NRXN3: variants seen among roughly 807,000 people sequenced by gnomAD.
The protein encoded by NRXN3 is neurexin III.
A neutral mutation model predicts 137.6 loss-of-function variants in NRXN3; 32 were observed. That is an observed-to-expected ratio of 0.23 (90% CI 0.18 to 0.31). NRXN3 has a LOEUF of 0.31. Ranked by LOEUF, NRXN3 falls within the 10% of genes least tolerant of loss-of-function variation. NRXN3 has a pLI of 1.00. For synonymous variants in NRXN3, 798 were observed against 784.5 expected (o/e 1.02, Z -0.29); for missense variants, 1,574 against 2,062.5 (o/e 0.76, Z 4.59).
rs75251740 is a variant in NRXN3 at position 78,727,164 on chromosome 14, T to G, written c.2044+12025T>G. On this transcript the variant is annotated intron_variant, in intron 8 of 20. Transcript: ENST00000335750. ...TTAACCAGTTCTCACCTATTGTGGT[T>G]TTAAGTTCCTTGCTGAGTTAATCCA... 1.0e-2 allele frequency among the ~76,000 whole-genome samples: 1,521 copies of G among 152,240 alleles called. 74 individuals are homozygous for G. In the East Asian group the frequency reaches 0.16, roughly 16 times the overall value.
intron 3 of NRXN3, among the ~76,000 whole-genome samples, chr14:78,295,850 C>G (rs951741062): frequency 6.6e-6 from 1 of 152,124 alleles, no homozygotes; most frequent in Non-Finnish European, 1.5e-5. Context: ...ACCAAATGTC[C>G]TGTTCACTAT....
At chr14:78,554,660 A>C (rs1427266494) in intron 4 of NRXN3, among the ~76,000 whole-genome samples, 1 of 152,190 alleles carries the variant, frequency 6.6e-6, no homozygotes, top group Non-Finnish European at 1.5e-5. Flanking sequence ...CTGTGATTCC[A>C]AATCTCAAGC....
intron 4 of NRXN3, among the ~76,000 whole-genome samples, chr14:78,515,950 G>T (rs2096199639): frequency 1.3e-5 from 2 of 152,082 alleles, no homozygotes; most frequent in Non-Finnish European, 2.9e-5. Flanking sequence ...TTAATCCACA[G>T]TTTCCTCATC....
intron 1 of NRXN3, among the ~76,000 whole-genome samples, chr14:78,194,766 G>C (rs1418574890): frequency 1.3e-5 from 2 of 152,230 alleles, no homozygotes; most frequent in Non-Finnish European, 2.9e-5. Flanking sequence ...CAGCATGCTA[G>C]AGTAGATATC....
At chr14:78,481,337 G>T (rs1180664432) in intron 4 of NRXN3, among the ~76,000 whole-genome samples, 1 of 152,114 alleles carries the variant, frequency 6.6e-6, no homozygotes, top group African/African-American at 2.4e-5. Context: ...TGAATCACAG[G>T]GGCTAGGATA....
intron 4 of NRXN3, among the ~76,000 whole-genome samples, chr14:78,643,019 TG>T (rs2097650703): frequency 6.6e-6 from 1 of 152,238 alleles, no homozygotes; most frequent in Non-Finnish European, 1.5e-5. Flanking sequence ...TGGGCTGCTC[TG>T]GAACACACAA....
rs34660488 is a variant in NRXN3, at chr14:79,217,141, AAAAGAAAG to A, written c.3262+229020_3262+229027del. Among the ~76,000 whole-genome samples, 140 of 149,706 alleles carry A rather than the reference AAAAGAAAG, an allele frequency of 9.4e-4. 3 individuals are homozygous for A. In the South Asian group the frequency reaches 0.016, roughly 17 times the overall value. On this transcript the variant is annotated intron_variant, in intron 15 of 20. Transcript: ENST00000335750. Reference sequence around the variant, plus strand: ...GACAGAGCAAGACTCTGTCTCAAAAAAAAGAAAGAAAGAAAGAAAGAAAGAAAAGAGGT... The same window carrying A: ...GACAGAGCAAGACTCTGTCTCAAAAAAAAGAAAGAAAGAAAGAAAAGAGGT...
intron 19 of NRXN3, chr14:79,791,094 G>C (rs1284783671): frequency 3.9e-5 from 6 of 152,160 alleles, no homozygotes; most frequent in Non-Finnish European, 8.8e-5. Flanking sequence ...ATTTCAATAT[G>C]AGATTTGGAG....
chr14:78,973,258 T>G (rs367610767), intron 14 of NRXN3, among the ~76,000 whole-genome samples: 5 of 152,170 alleles, frequency 3.3e-5, no homozygotes, highest in African/African-American at 1.2e-4. Flanking sequence ...GGTTGGCTCC[T>G]CTTAATTTAT....
chr14:79,861,781 G>A lies in NRXN3; in HGVS notation c.4533G>A (p.Leu1511=), dbSNP rs893286105. ...GIVAAAALCI[L]ILLYAMYKYR... is the part of the protein sequence containing the mutation. ...TGGCTGCTGCCGCCCTCTGCATCTT[G>A]ATCCTCCTGTACGCCATGTACAAGT... Residue 1511 remains leucine (L), a synonymous_variant, in exon 21 of 21, where the codon TTG becomes TTA. Coordinates refer to ENST00000335750, the MANE Select transcript of NRXN3 (RefSeq NM_001330195.2). This position sits in a 1 kb window ranked among gnomAD's most constrained non-coding sequence, Gnocchi z 5.4. 9 of 1,613,928 alleles carry A rather than the reference G, an allele frequency of 5.6e-6. No individual in the cohort carries two copies. The highest frequency in any genetic ancestry group is 3.3e-5 in the Admixed American group (2 of 59,980).
At chr14:78,731,251 G>A (rs2098513932) in intron 8 of NRXN3, among the ~76,000 whole-genome samples, 1 of 152,056 alleles carries the variant, frequency 6.6e-6, no homozygotes, top group Admixed American at 6.5e-5. Context: ...TTATAGCTCT[G>A]TTAGGAGTGT....
intron 4 of NRXN3, among the ~76,000 whole-genome samples, chr14:78,516,864 A>G (rs1261594261): frequency 1.3e-5 from 2 of 152,184 alleles, no homozygotes; most frequent in African/African-American, 4.8e-5. Context: ...TTAACATTAT[A>G]TACAATAAAC....
intron 15 of NRXN3, among the ~76,000 whole-genome samples, chr14:79,293,595 C>G (rs1342669040): frequency 6.6e-6 from 1 of 152,234 alleles, no homozygotes; most frequent in East Asian, 1.9e-4. Context: ...CAGGTGTCAT[C>G]TGTTTTGCTG....
chr14:79,135,995 A>C (rs1360996880), intron 15 of NRXN3, among the ~76,000 whole-genome samples: 3 of 152,166 alleles, frequency 2.0e-5, no homozygotes, highest in African/African-American at 4.8e-5. Context: ...AAAATCAGGT[A>C]GTATCTGATT....
chr14:78,561,041 T>C (rs1308313541), intron 4 of NRXN3, among the ~76,000 whole-genome samples: 1 of 152,234 alleles, frequency 6.6e-6, no homozygotes, highest in Admixed American at 6.5e-5. Context: ...TAGAACAGCA[T>C]AGCTTTACTT....
chr14:78,215,771 T>TGGGGG (rs111862109), intron 1 of NRXN3, among the ~76,000 whole-genome samples: 2 of 109,486 alleles, frequency 1.8e-5, no homozygotes, highest in Non-Finnish European at 3.7e-5. Flanking sequence ...TGCAGGGGGG[T>TGGGGG]GGGGGGGGCA....
At chr14:79,327,902 G>C (rs541413039) in intron 15 of NRXN3, among the ~76,000 whole-genome samples, 37 of 152,214 alleles carry the variant, frequency 2.4e-4, no homozygotes. Flanking sequence ...ATTTAGTTTG[G>C]CTTTCATTTT....
intron 15 of NRXN3, among the ~76,000 whole-genome samples, chr14:79,118,541 A>G (rs1027868054): frequency 6.6e-6 from 1 of 152,184 alleles, no homozygotes; most frequent in Non-Finnish European, 1.5e-5. Context: ...CCATTGCATC[A>G]ACCTCAACCC....
intron 15 of NRXN3, among the ~76,000 whole-genome samples, chr14:79,115,058 G>A (rs950234235): frequency 1.3e-5 from 2 of 152,050 alleles, no homozygotes; most frequent in South Asian, 4.1e-4. Context: ...AGGCACGGTG[G>A]CTCACGCCTG....
Sources: gnomAD v4.1 joint callset for allele counts (sites outside exome capture counted in the v4.1 genomes callset) on GRCh38, gnomAD v4.1.1 for gene constraint, Gnocchi (gnomAD v3.1) non-coding constraint, MANE v1.5 for transcripts, NCBI Gene and HGNC (gene_info 2026-07-23, HGNC 2026-07-21) for gene names.